The following ADAM17 variants were observed in gnomAD, a reference collection of about 807,000 sequenced individuals.
ADAM17 encodes the protein ADAM metallopeptidase domain 17, also known as disintegrin and metalloproteinase domain-containing protein 17.
Under a neutral mutation model 96.7 loss-of-function variants are expected in ADAM17, and 39 were observed. The ratio of observed to expected loss-of-function variants is 0.40; its 90% confidence interval spans 0.31 to 0.53. ADAM17 has a LOEUF of 0.53. Ranked by LOEUF, ADAM17 falls within the 20% of genes least tolerant of loss-of-function variation. The pLI, the probability that ADAM17 is intolerant of heterozygous loss-of-function variation, is 0.44. For synonymous variants in ADAM17, 344 were observed against 359.2 expected (o/e 0.96, Z 0.48); for missense variants, 777 against 1,013.2 (o/e 0.77, Z 3.17).
rs746664897 is a variant in ADAM17, at chr2:9,527,828, C to T, written c.577G>A (p.Glu193Lys). 2.5e-6 allele frequency: 4 copies of T among 1,603,746 alleles called. No individual in the cohort carries two copies. Among genetic ancestry groups the T allele is most frequent in the East Asian group, 4.5e-5 (2 of 44,304 alleles). Reference sequence around the variant, plus strand: ...TCTACTAACCCTTTTGGGAGCAACTCTTCATTATCCACTTTTAAATAACCA... The same window carrying T: ...TCTACTAACCCTTTTGGGAGCAACTTTTCATTATCCACTTTTAAATAACCA... ...VCGYLKVDNE[E>K]LLPKGLVDRE... Residue 193 changes from glutamate (E) to lysine (K), a missense_variant, in exon 5 of 19, where the codon GAG becomes AAG. Glu to Lys is a moderately conservative substitution (Grantham distance 56). Coordinates refer to ENST00000310823, the MANE Select transcript of ADAM17 (RefSeq NM_003183.6).
intron 11 of ADAM17, among the ~76,000 whole-genome samples, chr2:9,506,371 T>G (rs1266406006): frequency 1.0e-4 from 15 of 144,748 alleles, no homozygotes; most frequent in Admixed American, 8.2e-4. Flanking sequence ...TTTTTTTTTT[T>G]TTTTTTTTTT....
At chr2:9,491,458 T>C (rs1473850240) in intron 17 of ADAM17, among the ~76,000 whole-genome samples, 4 of 152,258 alleles carry the variant, frequency 2.6e-5, no homozygotes, top group Non-Finnish European at 5.9e-5. Flanking sequence ...TAAAGGCATC[T>C]TCCTGTGCAT....
At chr2:9,496,769 G>A (rs1296210710) in intron 14 of ADAM17, among the ~76,000 whole-genome samples, 1 of 152,180 alleles carries the variant, frequency 6.6e-6, no homozygotes, top group Non-Finnish European at 1.5e-5. Flanking sequence ...AGCTACTGCT[G>A]CTTTTGTGGT....
chr2:9,555,493 TC>T lies in ADAM17; in HGVS notation c.97+15del, dbSNP rs1218624320. ...GCTCCAGGCGCCGGCCTAAGCCAACTCCCCTGGGTCTTTACCGAGTCTCTGG... is the reference window on the plus strand; with the variant it reads ...GCTCCAGGCGCCGGCCTAAGCCAACTCCCTGGGTCTTTACCGAGTCTCTGG... On this transcript the variant is annotated intron_variant, in intron 1 of 18. Transcript: ENST00000310823. 6 of 1,565,028 alleles carry T rather than the reference TC, an allele frequency of 3.8e-6. No homozygotes were observed. The highest frequency in any genetic ancestry group is 4.3e-6 in the Non-Finnish European group (5 of 1,155,710).
chr2:9,521,180 A>C, intron 8 of ADAM17, 23 bp downstream of exon 8: 1 of 1,499,818 alleles, frequency 6.7e-7, no homozygotes, highest in East Asian at 2.3e-5. Context: ...TGTTAGCACC[A>C]TATCCAGGAT....
chr2:9,508,694 A>G (rs80139462), intron 11 of ADAM17, among the ~76,000 whole-genome samples: 168 of 152,330 alleles, frequency 1.1e-3, no homozygotes, highest in African/African-American at 3.7e-3. Context: ...CCACTGGGCT[A>G]GTGGCTACTA....
rs547401766 is a variant in ADAM17, at chr2:9,490,112, T to C, written c.*65A>G. ...AGTCTTCACAAAATACAAGCTGTGA[T>C]TGATTTGTAGGTCAAATCTATAAAA... On this transcript the variant is annotated 3_prime_UTR_variant, in exon 19 of 19. Transcript: ENST00000310823. 4.4e-5 allele frequency: 60 copies of C among 1,363,912 alleles called. 1 individual carries two copies. In the South Asian group the frequency reaches 5.0e-4, roughly 11 times the overall value. The allele number at this position is 1,363,912 out of a possible 1,614,324, so 84.5% of individuals were successfully genotyped here.
intron 2 of ADAM17, among the ~76,000 whole-genome samples, chr2:9,539,483 T>C (rs188894982): frequency 9.1e-4 from 139 of 152,346 alleles, no homozygotes; most frequent in Non-Finnish European, 1.6e-3. Flanking sequence ...AGTTTCTTTT[T>C]TTCTTAAGTT....
In ADAM17 at chr2:9,490,879, T is replaced by C. The variant is rs73149882; in HGVS notation, c.2133+222A>G. ...GAATGGCTAAATCACTCCTTATGGC[T>C]TGGGAAGGGGACAGCACAGCTCTTT... On this transcript the variant is annotated intron_variant, in intron 18 of 18. Coordinates refer to ENST00000310823, the MANE Select transcript of ADAM17 (RefSeq NM_003183.6). 6.1e-3 allele frequency among the ~76,000 whole-genome samples: 935 copies of C among 152,264 alleles called. 7 individuals carry two copies. The highest frequency in any genetic ancestry group is 0.022 in the African/African-American group (900 of 41,552).
intron 12 of ADAM17, among the ~76,000 whole-genome samples, chr2:9,503,484 T>C (rs1326627201): frequency 2.6e-5 from 4 of 152,238 alleles, no homozygotes; most frequent in South Asian, 2.1e-4. Context: ...TATTAGGATG[T>C]AGCCATAAAA....
rs184109100 is a variant in ADAM17 at position 9,538,319 on chromosome 2, C to G, written c.231-1491G>C. On this transcript the variant is annotated intron_variant, in intron 2 of 18. Coordinates refer to ENST00000310823, the MANE Select transcript of ADAM17 (RefSeq NM_003183.6). ...GGGATTGCAAAAGTCTTTAAACTAC[C>G]GGAAAGAAATCTAGACTGGGACTAT... 3.6e-3 allele frequency among the ~76,000 whole-genome samples: 550 copies of G among 152,210 alleles called. 4 individuals carry two copies. Among genetic ancestry groups the G allele is most frequent in the Non-Finnish European group, 4.8e-3 (324 of 68,016 alleles).
Position 9,555,821 on chromosome 2 carries a change from G to A in ADAM17, c.-216C>T. The A allele has an allele frequency of 2.3e-6, 1 of 432,322 alleles. No homozygotes were observed. 26.8% of individuals were successfully genotyped at this position (432,322 alleles called of 1,614,324 possible). A position where few individuals can be genotyped will look rare whatever the true frequency, so the allele number is the denominator to read the frequency against. On this transcript the variant is annotated 5_prime_UTR_variant, in exon 1 of 19. Coordinates refer to ENST00000310823, the MANE Select transcript of ADAM17 (RefSeq NM_003183.6). ...CCAAAGGCCGGCTCAGCCAGCTTCC[G>A]GCCGCCGCTGTCCCCCGCACCACCC...
chr2:9,551,194 C>T (rs1023521990), intron 1 of ADAM17, among the ~76,000 whole-genome samples: 4 of 149,516 alleles, frequency 2.7e-5, no homozygotes, highest in Admixed American at 1.3e-4. Context: ...ATTAGCAGAA[C>T]ACTGTCAAAT....
At chr2:9,502,359 A>T in intron 12 of ADAM17, 83 bp from the exon 13 acceptor site, 1 of 1,203,824 alleles carries the variant, frequency 8.3e-7, no homozygotes, top group Non-Finnish European at 1.2e-6. Context: ...CGTTACAGTG[A>T]CCTGAAGATC....
rs748722757 is a variant in ADAM17 at position 9,518,257 on chromosome 2, A to AC, written c.958-11dup. The AC allele has an allele frequency of 7.3e-5, 91 of 1,246,384 alleles. No homozygotes were observed. The highest frequency in any genetic ancestry group is 8.2e-5 in the Non-Finnish European group (78 of 954,090). 77.2% of individuals were successfully genotyped at this position (1,246,384 alleles called of 1,614,324 possible). A position where few individuals can be genotyped will look rare whatever the true frequency, so the allele number is the denominator to read the frequency against. Reference sequence around the variant, plus strand: ...TATCAAAGCTAAATTGCTTTGAAAGACCAAAAAAAAAAAAAAAAAAAAAAG... The same window carrying AC: ...TATCAAAGCTAAATTGCTTTGAAAGACCCAAAAAAAAAAAAAAAAAAAAAAG... On this transcript the variant is annotated splice_polypyrimidine_tract_variant and intron_variant, in intron 8 of 18. Transcript: ENST00000310823.
intron 5 of ADAM17, among the ~76,000 whole-genome samples, chr2:9,526,537 T>G (rs1664537855): frequency 6.6e-6 from 1 of 152,204 alleles, no homozygotes; most frequent in Non-Finnish European, 1.5e-5. Flanking sequence ...GGCTCAGGCC[T>G]GTAATCCCAG....
At chr2:9,522,591 T>C (rs1664358109) in intron 7 of ADAM17, among the ~76,000 whole-genome samples, 1 of 152,170 alleles carries the variant, frequency 6.6e-6, no homozygotes, top group Non-Finnish European at 1.5e-5. Context: ...CTATATAACT[T>C]ATAAAAATAT....
intron 10 of ADAM17, among the ~76,000 whole-genome samples, chr2:9,511,301 T>G (rs1041454308): frequency 6.6e-6 from 1 of 151,890 alleles, no homozygotes; most frequent in Admixed American, 6.6e-5. Context: ...ATACAAAAAA[T>G]TAGCTGGGTG....
chr2:9,493,421 A>G (rs1662317929), intron 16 of ADAM17, among the ~76,000 whole-genome samples: 1 of 152,196 alleles, frequency 6.6e-6, no homozygotes, highest in East Asian at 1.9e-4. Flanking sequence ...CATTCAGTCA[A>G]ATAAACACTC....
Sources: allele counts gnomAD v4.1 joint callset (sites outside exome capture counted in the v4.1 genomes callset), GRCh38; gene constraint gnomAD v4.1.1; transcripts MANE v1.5; gene names NCBI Gene and HGNC (gene_info 2026-07-23, HGNC 2026-07-21).